The following SPATA13 variants were observed in gnomAD, a reference collection of about 807,000 sequenced individuals.
SPATA13 encodes the protein spermatogenesis associated 13.
SPATA13 carries 50 observed loss-of-function variants against 104.0 expected under a neutral mutation model. That is an observed-to-expected ratio of 0.48 (90% confidence interval 0.38 to 0.61). The LOEUF (loss-of-function observed/expected upper bound fraction) is 0.61. SPATA13 is among the 20% of genes least tolerant of loss of function. The pLI is 0.00. For synonymous variants in SPATA13, 606 were observed against 667.5 expected (o/e 0.91, Z 1.42); for missense variants, 1,524 against 1,690.6 (o/e 0.90, Z 1.73).
intron 3 of SPATA13, among the ~76,000 whole-genome samples, chr13:24,101,696 G>T (rs918524566): frequency 1.3e-5 from 2 of 152,180 alleles, no homozygotes; most frequent in African/African-American, 2.4e-5. Flanking sequence ...ATCCGTAGAA[G>T]TGGAATCACG....
intron 3 of SPATA13, among the ~76,000 whole-genome samples, chr13:24,083,546 T>C (rs1221837122): frequency 1.3e-5 from 2 of 151,938 alleles, no homozygotes; most frequent in African/African-American, 4.8e-5. Context: ...TGGTTGGAGG[T>C]TTGTTGGGTT....
chr13:24,058,771 T>G (rs1878664016), intron 3 of SPATA13, among the ~76,000 whole-genome samples: 1 of 151,848 alleles, frequency 6.6e-6, no homozygotes, highest in South Asian at 2.1e-4. Flanking sequence ...GAGCTATAGA[T>G]TCACTGGTTA....
chr13:24,207,108 A>G (rs534812746), intron 1 of SPATA13, among the ~76,000 whole-genome samples: 1 of 152,140 alleles, frequency 6.6e-6, no homozygotes, highest in Non-Finnish European at 1.5e-5. Context: ...TCAGCAAACT[A>G]AAGCAGGAAT....
At chr13:24,152,274 C>G (rs1374087608) in intron 3 of SPATA13, among the ~76,000 whole-genome samples, 2 of 152,186 alleles carry the variant, frequency 1.3e-5, no homozygotes, top group African/African-American at 4.8e-5. Context: ...CTCCCTCTGC[C>G]CCTTTTATAA....
chr13:24,246,426 T>C (rs1873132889), intron 2 of SPATA13, among the ~76,000 whole-genome samples: 1 of 152,258 alleles, frequency 6.6e-6, no homozygotes, highest in Non-Finnish European at 1.5e-5. Flanking sequence ...CTACACTCTT[T>C]GACTCTGTTC....
intron 2 of SPATA13, among the ~76,000 whole-genome samples, chr13:24,236,711 A>G (rs1342998574): frequency 6.6e-6 from 1 of 152,196 alleles, no homozygotes; most frequent in Non-Finnish European, 1.5e-5. Context: ...CTTCACACCC[A>G]TTAGAATGGC....
chr13:24,040,611 A>G (rs942875), intron 3 of SPATA13, among the ~76,000 whole-genome samples: 117,291 of 151,872 alleles, frequency 0.77, 46,490 homozygotes, highest in Non-Finnish European at 0.87. Flanking sequence ...CCAGGACACA[A>G]AGCCTGCCAA....
Position 24,300,449 on chromosome 13 carries a change from A to C in SPATA13, c.3632A>C (p.Gln1211Pro). Reference protein sequence around the residue: ...NQKKLAMLNAQKAGHGKSKGY... With the variant: ...NQKKLAMLNAPKAGHGKSKGY... Reference sequence around the variant, plus strand: ...AAGAAACTTGCCATGTTAAATGCTCAAAAGGCAGGACATGGAAAGTCAAAA... The same window carrying C: ...AAGAAACTTGCCATGTTAAATGCTCCAAAGGCAGGACATGGAAAGTCAAAA... The change falls in exon 12 of 13, where the codon CAA becomes CCA. Residue 1211 changes from glutamine to proline, a missense_variant. Coordinates refer to ENST00000382108, the MANE Select transcript of SPATA13 (RefSeq NM_001166271.3). The C allele has an allele frequency of 1.2e-6, 2 of 1,614,156 alleles. No homozygotes were observed. Among genetic ancestry groups the C allele is most frequent in the Non-Finnish European group, 1.7e-6 (2 of 1,179,998 alleles).
chr13:24,070,509 C>T (rs1879121136), intron 3 of SPATA13, among the ~76,000 whole-genome samples: 1 of 152,176 alleles, frequency 6.6e-6, no homozygotes, highest in South Asian at 2.1e-4. Context: ...TAGAACTTTA[C>T]TGATTGATTA....
chr13:24,297,761 A>T, intron 11 of SPATA13, 26 bp downstream of exon 11: 1 of 1,586,948 alleles, frequency 6.3e-7, no homozygotes, highest in Middle Eastern at 2.1e-4. Context: ...CTCTGCAGGC[A>T]CCTGTGCCTC....
rs562044444 is a variant in SPATA13, at chr13:24,232,749, A to G, written c.1653+8167A>G. ...TTTTTTGTAGAGGTGGGGTTTTGCC[A>G]TGCTCCCCAGGCTGGTCTCGAGCTC... On this transcript the variant is annotated intron_variant, in intron 2 of 12. Coordinates refer to ENST00000382108, the MANE Select transcript of SPATA13 (RefSeq NM_001166271.3). Among the ~76,000 whole-genome samples the G allele has an allele frequency of 2.1e-3, 326 of 152,206 alleles. 3 individuals are homozygous for G. The highest frequency in any genetic ancestry group is 3.7e-3 in the Non-Finnish European group (251 of 68,006).
In SPATA13 at chr13:24,042,503, CAG is replaced by C. The variant is rs564360194; in HGVS notation, c.-112+24806_-112+24807del. On this transcript the variant is annotated intron_variant, in intron 3 of 14. Transcript: ENST00000424834. ...GCCGATCCTCACGAGTCACTGAGATCAGAGACACAAGTGCACGTCCACCACCG... is the reference window on the plus strand; with the variant it reads ...GCCGATCCTCACGAGTCACTGAGATCAGACACAAGTGCACGTCCACCACCG... Among the ~76,000 whole-genome samples the C allele has an allele frequency of 2.1e-3, 319 of 152,326 alleles. 1 individual carries two copies. The highest frequency in any genetic ancestry group is 7.4e-3 in the African/African-American group (307 of 41,580).
intron 3 of SPATA13, among the ~76,000 whole-genome samples, chr13:24,118,164 C>T (rs950883527): frequency 3.9e-5 from 6 of 152,138 alleles, no homozygotes. Flanking sequence ...GCGTAGACCA[C>T]CACTGCAGAA....
At chr13:24,065,959 C>T (rs1223107936) in intron 3 of SPATA13, among the ~76,000 whole-genome samples, 1 of 152,154 alleles carries the variant, frequency 6.6e-6, no homozygotes, top group Non-Finnish European at 1.5e-5. Flanking sequence ...CACAGGGAAA[C>T]CTGAGATTGG....
intron 3 of SPATA13, among the ~76,000 whole-genome samples, chr13:24,132,065 AAGG>A (rs1176940973): frequency 6.6e-6 from 1 of 152,202 alleles, no homozygotes; most frequent in Non-Finnish European, 1.5e-5. Flanking sequence ...ATGCTTTTTG[AAGG>A]AGAAGTAGCT....
chr13:24,173,368 GTGTGT>G (rs1188373607), intron 1 of SPATA13, among the ~76,000 whole-genome samples: 2 of 19,176 alleles, frequency 1.0e-4, no homozygotes, highest in African/African-American at 1.7e-4. Flanking sequence ...TTAGTTGTGT[GTGTGT>G]GTGTGTGTGT....
intron 2 of SPATA13, among the ~76,000 whole-genome samples, chr13:24,229,088 C>T (rs1872113934): frequency 6.6e-6 from 1 of 152,168 alleles, no homozygotes; most frequent in Non-Finnish European, 1.5e-5. Context: ...TTTTAAGTTA[C>T]AGGTTGCATT....
intron 7 of SPATA13, among the ~76,000 whole-genome samples, chr13:24,287,549 AC>A (rs1876044095): frequency 6.6e-6 from 1 of 152,122 alleles, no homozygotes; most frequent in African/African-American, 2.4e-5. Context: ...AGAAGGCAAC[AC>A]CCTCACTTGA....
At chr13:24,107,175 A>C (rs1170405188) in intron 3 of SPATA13, among the ~76,000 whole-genome samples, 1 of 150,614 alleles carries the variant, frequency 6.6e-6, no homozygotes, top group Non-Finnish European at 1.5e-5. Context: ...GTCTAGGAGG[A>C]AAGTGAAATG....
Sources: gnomAD v4.1 joint callset for allele counts (sites outside exome capture counted in the v4.1 genomes callset) on GRCh38, gnomAD v4.1.1 for gene constraint, MANE v1.5 for transcripts, NCBI Gene and HGNC (gene_info 2026-07-23, HGNC 2026-07-21) for gene names.